The following C3orf52 variants were observed in gnomAD, a reference collection of about 807,000 sequenced individuals.
C3orf52 encodes the protein chromosome 3 open reading frame 52.
Under a neutral mutation model 24.8 loss-of-function variants are expected in C3orf52, and 22 were observed. The ratio of observed to expected loss-of-function variants is 0.89; its 90% confidence interval spans 0.63 to 1.27. The LOEUF (loss-of-function observed/expected upper bound fraction) is 1.27. C3orf52 is among the 50% of genes most tolerant of loss of function. The probability of loss-of-function intolerance (pLI) is 0.00; values close to 1 mark genes in which losing one functional copy is unlikely to be tolerated. For synonymous variants in C3orf52, 93 were observed against 100.2 expected (o/e 0.93, Z 0.43); for missense variants, 265 against 260.7 (o/e 1.02, Z -0.11).
At chr3:112,087,253 A>T (rs2073838319) in intron 1 of C3orf52, among the ~76,000 whole-genome samples, 1 of 152,170 alleles carries the variant, frequency 6.6e-6, no homozygotes, top group African/African-American at 2.4e-5. Flanking sequence ...TCGAAGGTTG[A>T]GACTTCGCCC....
At chr3:112,102,724 C>A in intron 2 of C3orf52, 114 bp from the exon 3 acceptor site, 1 of 1,002,296 alleles carries the variant, frequency 1.0e-6, no homozygotes, top group Non-Finnish European at 1.4e-6. Flanking sequence ...TCAGCCTTTA[C>A]CCTTGATGCT....
At chr3:112,100,720 A>G (rs981259610) in intron 2 of C3orf52, among the ~76,000 whole-genome samples, 2 of 152,244 alleles carry the variant, frequency 1.3e-5, no homozygotes, top group African/African-American at 4.8e-5. Flanking sequence ...AATATTATTT[A>G]TAGAAGTAGA....
chr3:112,121,255 G>A (rs1423509704), downstream of C3orf52: 1 of 152,146 alleles, frequency 6.6e-6, no homozygotes, highest in African/African-American at 2.4e-5. Context: ...ATGGTCCAGT[G>A]GCCATGTGAA....
At chr3:112,109,386 A>G (rs2074056536) in intron 3 of C3orf52, among the ~76,000 whole-genome samples, 157 bp from the exon 4 acceptor site, 1 of 152,110 alleles carries the variant, frequency 6.6e-6, no homozygotes, top group Admixed American at 6.5e-5. Context: ...GTTTTGATTT[A>G]TGGTGGGCTC....
chr3:112,123,130 C>A, downstream of C3orf52: 1 of 312,542 alleles, frequency 3.2e-6, no homozygotes, highest in Non-Finnish European at 6.0e-6. Context: ...TAAGAAGATC[C>A]CAGACAGAAG....
At chr3:112,136,336 A>G in the C3orf52 span, among the ~76,000 whole-genome samples, 1 of 152,314 alleles carries the variant, frequency 6.6e-6, no homozygotes, top group South Asian at 2.1e-4. Flanking sequence ...TGTGCATTAC[A>G]TTCTGGTTGA....
At chr3:112,115,739 T>A (rs2074128313) in intron 5 of C3orf52, among the ~76,000 whole-genome samples, 1 of 152,214 alleles carries the variant, frequency 6.6e-6, no homozygotes, top group African/African-American at 2.4e-5. Flanking sequence ...TAATTTAGAT[T>A]CCTGAGGGGT....
chr3:112,099,547 T>C (rs1359412467), intron 2 of C3orf52, among the ~76,000 whole-genome samples: 1 of 152,236 alleles, frequency 6.6e-6, no homozygotes, highest in East Asian at 1.9e-4. Context: ...TAATACATGC[T>C]AATTCATTGA....
In C3orf52 at chr3:112,102,755, G is replaced by C. The variant is rs930809485; in HGVS notation, c.269-83G>C. 5.7e-6 allele frequency: 7 copies of C among 1,229,840 alleles called. No homozygotes were observed. In the Admixed American group the frequency reaches 8.2e-5, roughly 14 times the overall value. The allele number at this position is 1,229,840 out of a possible 1,614,324, so 76.2% of individuals were successfully genotyped here. Reference sequence around the variant, plus strand: ...ATGCTCATAGTTATGTTTAAGTATGGCAGTCAATGGAATAAATAAGTTTAT... The same window carrying C: ...ATGCTCATAGTTATGTTTAAGTATGCCAGTCAATGGAATAAATAAGTTTAT... On this transcript the variant is annotated intron_variant, in intron 2 of 5. Coordinates refer to ENST00000264848, the MANE Select transcript of C3orf52 (RefSeq NM_024616.3).
In C3orf52 at chr3:112,113,031, AAGT is replaced by A; in HGVS notation, c.537_539del (p.Lys179_Tyr180delinsAsn). On this transcript the variant is annotated inframe_deletion, in exon 5 of 6. Coordinates refer to ENST00000264848, the MANE Select transcript of C3orf52 (RefSeq NM_024616.3). ...TCCATCAGATGATGAAAATTTTATGAAGTATATGATGAGTGAGGAGTTGGTGCT... is the reference window on the plus strand; with the variant it reads ...TCCATCAGATGATGAAAATTTTATGAATATGATGAGTGAGGAGTTGGTGCT... 2 of 1,608,546 alleles carry A rather than the reference AAGT, an allele frequency of 1.2e-6. No homozygotes were observed. The highest frequency in any genetic ancestry group is 1.7e-6 in the Non-Finnish European group (2 of 1,177,380).
At chr3:112,102,712 G>A (rs577670634) in intron 2 of C3orf52, 126 bp from the exon 3 acceptor site, 2 of 872,938 alleles carry the variant, frequency 2.3e-6, no homozygotes, top group Non-Finnish European at 3.4e-6. Context: ...TGCTTGCTGT[G>A]TTCAGCCTTT....
downstream of C3orf52, chr3:112,134,337 T>C (rs1050018527): frequency 6.6e-6 from 1 of 152,150 alleles, no homozygotes; most frequent in Admixed American, 6.5e-5. Flanking sequence ...ATTGAGTGGG[T>C]TAACACTTAG....
chr3:112,120,195 A>C (rs1188735432), downstream of C3orf52, among the ~76,000 whole-genome samples: 2 of 152,212 alleles, frequency 1.3e-5, no homozygotes, highest in Non-Finnish European at 2.9e-5. Flanking sequence ...GCCAAGGTAC[A>C]CTCAGATCAA....
rs371987827 is a variant in C3orf52, at chr3:112,123,556, C to T, written c.*46+3994C>T. On this transcript the variant is annotated intron_variant, in intron 4 of 4. Transcript: ENST00000480282. Reference sequence around the variant, plus strand: ...TGAGGCATGAGAAGTTCATATTCATCTTCTGGGGATCGGGCATGCCTGGGG... The same window carrying T: ...TGAGGCATGAGAAGTTCATATTCATTTTCTGGGGATCGGGCATGCCTGGGG... 1.2e-6 allele frequency: 2 copies of T among 1,614,068 alleles called. No individual in the cohort carries two copies. Among genetic ancestry groups the T allele is most frequent in the African/African-American group, 2.7e-5 (2 of 74,920 alleles).
At position 112,116,755 on chromosome 3, in the gene C3orf52, C is replaced by A. The variant is rs1470367970; in HGVS notation, c.*109C>A. On this transcript the variant is annotated 3_prime_UTR_variant, in exon 6 of 6. Coordinates refer to ENST00000264848, the MANE Select transcript of C3orf52 (RefSeq NM_024616.3). ...GATTCTGTGGATTAATACAGAAGCACCAGCAACACCAGAGGGGTGGAGACT... is the reference window on the plus strand; with the variant it reads ...GATTCTGTGGATTAATACAGAAGCAACAGCAACACCAGAGGGGTGGAGACT... The A allele has an allele frequency of 1.3e-6, 2 of 1,549,474 alleles. No individual in the cohort carries two copies.
chr3:112,127,975 C>A (rs1243682839), intron 4 of C3orf52: 7 of 1,577,294 alleles, frequency 4.4e-6, no homozygotes, highest in Non-Finnish European at 6.1e-6. Flanking sequence ...ACATTGAAAC[C>A]ACACTTAGGG....
intron 1 of C3orf52, among the ~76,000 whole-genome samples, chr3:112,086,915 T>TTTTCCAGTAGAGAGAA (rs1384441644): frequency 6.6e-6 from 1 of 152,208 alleles, no homozygotes; most frequent in Non-Finnish European, 1.5e-5. Flanking sequence ...GAATGACAAA[T>TTTTCCAGTAGAGAGAA]TGAGTATCCT....
chr3:112,088,627 T>TA (rs1235448848), intron 1 of C3orf52, among the ~76,000 whole-genome samples: 2 of 152,162 alleles, frequency 1.3e-5, no homozygotes. Context: ...GTATGTTTTT[T>TA]AGATCTCAAA....
chr3:112,113,277 A>G, intron 5 of C3orf52, 132 bp downstream of exon 5: 1 of 654,396 alleles, frequency 1.5e-6, no homozygotes, highest in South Asian at 2.1e-5. Context: ...TTATTCACTC[A>G]TCCCCTCAGC....
Sources: allele counts gnomAD v4.1 joint callset (sites outside exome capture counted in the v4.1 genomes callset), GRCh38; gene constraint gnomAD v4.1.1; transcripts MANE v1.5; gene names NCBI Gene and HGNC (gene_info 2026-07-23, HGNC 2026-07-21).